TSPAN19: variants seen among roughly 807,000 people sequenced by gnomAD.
TSPAN19 encodes tetraspanin 19.
TSPAN19 carries 44 observed loss-of-function variants against 35.1 expected under a neutral mutation model. The observed-to-expected ratio is 1.25, with a 90% CI of 0.98 to 1.61. TSPAN19 has a LOEUF of 1.61. Ranked by LOEUF, TSPAN19 falls within the 40% of genes most tolerant of loss-of-function variation. TSPAN19 has a pLI of 0.00. For synonymous variants in TSPAN19, 79 were observed against 92.0 expected, an observed-to-expected ratio of 0.86 and a Z score of 0.81; for missense variants, 290 against 280.0, an observed-to-expected ratio of 1.04 and a Z score of -0.26.
chr12:85,035,033 C>A (rs977289085), intron 1 of TSPAN19: 20 of 152,032 alleles, frequency 1.3e-4, no homozygotes, highest in African/African-American at 1.2e-4. Flanking sequence ...GTTTCACAAT[C>A]AAAAATAAAA....
chr12:85,016,484 C>T (rs533947428), intron 7 of TSPAN19: 3 of 152,000 alleles, frequency 2.0e-5, no homozygotes, highest in South Asian at 2.1e-4. Flanking sequence ...ACTTTGGGGT[C>T]ATCATTAAGT....
chr12:85,019,548 C>G, intron 6 of TSPAN19, 78 bp downstream of exon 6: 1 of 882,042 alleles, frequency 1.1e-6, no homozygotes, highest in Admixed American at 2.2e-5. Context: ...CTGCCCCATC[C>G]CCTGCCCTGA....
chr12:85,027,708 A>G (rs1226251295), intron 4 of TSPAN19, among the ~76,000 whole-genome samples, 191 bp downstream of exon 4: 2 of 152,216 alleles, frequency 1.3e-5, no homozygotes, highest in Admixed American at 1.3e-4. Flanking sequence ...TTCAATTCAT[A>G]GAAAACGCAC....
chr12:85,030,301 T>C (rs929632549), intron 1 of TSPAN19, among the ~76,000 whole-genome samples: 7 of 152,156 alleles, frequency 4.6e-5, no homozygotes, highest in African/African-American at 1.7e-4. Flanking sequence ...AGATATTTTG[T>C]TTTCCATCTT....
At position 85,023,325 on chromosome 12, in the gene TSPAN19, C is replaced by A. The variant is rs757428763; in HGVS notation, c.339+1G>T. 2.5e-6 allele frequency: 4 copies of A among 1,575,150 alleles called. No individual in the cohort carries two copies. In the Admixed American group the frequency reaches 7.3e-5, roughly 29 times the overall value. On this transcript the variant is annotated splice_donor_variant, in intron 5 of 8. Coordinates refer to ENST00000532498, the MANE Select transcript of TSPAN19 (RefSeq NM_001100917.2). LOFTEE classifies it high-confidence loss of function. ...TATTGAAAAGGATTTACTTTCCATA[C>A]CTCCTCTTTCTTTGTGATGATGAAT...
intron 6 of TSPAN19, among the ~76,000 whole-genome samples, chr12:85,018,001 T>C (rs1339127917): frequency 3.3e-5 from 5 of 151,906 alleles, no homozygotes; most frequent in African/African-American, 9.7e-5. Context: ...AACTGTTTGG[T>C]ATACCTAAAA....
chr12:85,028,244 G>T (rs918331599), intron 3 of TSPAN19, among the ~76,000 whole-genome samples: 5 of 152,038 alleles, frequency 3.3e-5, no homozygotes, highest in Admixed American at 3.3e-4. Flanking sequence ...GACATGAAGA[G>T]AATTTCTTAA....
chr12:85,028,078 T>C, intron 3 of TSPAN19, 55 bp from the exon 4 acceptor site: 1 of 1,351,458 alleles, frequency 7.4e-7, no homozygotes, highest in Admixed American at 2.7e-5. Flanking sequence ...TGAAGTGGTA[T>C]TTTATTTATT....
chr12:85,016,519 C>A (rs555698247), intron 7 of TSPAN19: 1 of 151,964 alleles, frequency 6.6e-6, no homozygotes, highest in Admixed American at 6.6e-5. Context: ...TGAACACAGG[C>A]ACTGTGATAC....
At chr12:85,025,246 G>A (rs1394313181) in intron 4 of TSPAN19, among the ~76,000 whole-genome samples, 2 of 143,000 alleles carry the variant, frequency 1.4e-5, no homozygotes, top group South Asian at 4.5e-4. Flanking sequence ...AGCGATTCTC[G>A]TTCCTCAGCC....
intron 1 of TSPAN19, among the ~76,000 whole-genome samples, chr12:85,032,933 A>T (rs1212177887): frequency 6.6e-6 from 1 of 152,148 alleles, no homozygotes; most frequent in African/African-American, 2.4e-5. Context: ...TACAATAATT[A>T]ATCTATTCAT....
Position 85,015,969 on chromosome 12 carries a change from A to G in TSPAN19, c.597T>C (p.Gly199=), listed in dbSNP as rs979659412. The G allele has an allele frequency of 3.3e-6, 5 of 1,530,056 alleles. No individual in the cohort carries two copies. In the African/African-American group the frequency reaches 5.6e-5, roughly 17 times the overall value. The allele number at this position is 1,530,056 out of a possible 1,614,324, so 94.8% of individuals were successfully genotyped here. A position where few individuals can be genotyped will look rare whatever the true frequency, so the allele number is the denominator to read the frequency against. The part of the protein sequence containing the change: ...DEPLNATYLE[G]CENKISAWYN... Reference sequence around the variant, plus strand: ...ACCATGCACTGATTTTATTTTCACAACCCTAAGAAAAAGAAGTTATTCAGA... The same window carrying G: ...ACCATGCACTGATTTTATTTTCACAGCCCTAAGAAAAAGAAGTTATTCAGA... Residue 199 remains glycine, a splice_region_variant and synonymous_variant, in exon 8 of 9, where the codon GGT becomes GGC. Coordinates refer to ENST00000532498, the MANE Select transcript of TSPAN19 (RefSeq NM_001100917.2).
chr12:85,018,863 C>A (rs1481466513), intron 6 of TSPAN19, among the ~76,000 whole-genome samples: 1 of 151,646 alleles, frequency 6.6e-6, no homozygotes, highest in Non-Finnish European at 1.5e-5. Context: ...GTTGGGAGGA[C>A]TGAATTAGCT....
intron 1 of TSPAN19, chr12:85,035,212 T>G (rs893764523): frequency 5.3e-5 from 8 of 152,070 alleles, no homozygotes; most frequent in African/African-American, 1.9e-4. Context: ...GAGCAATAAT[T>G]GTACCACTGC....
chr12:85,017,730 A>C (rs991043464), intron 6 of TSPAN19, 131 bp from the exon 7 acceptor site: 14 of 636,092 alleles, frequency 2.2e-5, no homozygotes, highest in Non-Finnish European at 3.1e-5. Context: ...GTAATGAATT[A>C]AATAAGTATA....
chr12:85,023,579 A>G (rs892814545), intron 4 of TSPAN19, among the ~76,000 whole-genome samples, 179 bp from the exon 5 acceptor site: 5 of 152,186 alleles, frequency 3.3e-5, no homozygotes, highest in Admixed American at 6.6e-5. Context: ...GGCAAAGTAA[A>G]AAACAAATGA....
At chr12:85,022,442 G>A (rs1877178653) in intron 5 of TSPAN19, among the ~76,000 whole-genome samples, 1 of 152,028 alleles carries the variant, frequency 6.6e-6, no homozygotes, top group Non-Finnish European at 1.5e-5. Context: ...AAATTAATCA[G>A]GAGATCCTTC....
intron 5 of TSPAN19, among the ~76,000 whole-genome samples, chr12:85,022,578 C>A (rs1877184119): frequency 1.3e-5 from 2 of 152,032 alleles, no homozygotes; most frequent in Admixed American, 6.6e-5. Context: ...CAGATAAGGA[C>A]ATTATATTTT....
chr12:85,021,621 CT>C (rs1251653695), intron 5 of TSPAN19, among the ~76,000 whole-genome samples: 7 of 151,978 alleles, frequency 4.6e-5, no homozygotes, highest in Non-Finnish European at 8.8e-5. Context: ...ATAAAATTCC[CT>C]TATGCTTACT....
Sources: allele counts gnomAD v4.1 joint callset (sites outside exome capture counted in the v4.1 genomes callset), GRCh38; gene constraint gnomAD v4.1.1; transcripts MANE v1.5; gene names NCBI Gene and HGNC (gene_info 2026-07-23, HGNC 2026-07-21).